Variants in PLCXD3 observed in about 807,000 individuals in gnomAD.
PLCXD3 encodes PI-PLC X domain-containing protein 3.
PLCXD3 carries 19 observed loss-of-function variants against 25.5 expected under a neutral mutation model. The ratio of observed to expected loss-of-function variants is 0.75; its 90% confidence interval spans 0.52 to 1.09. The LOEUF (loss-of-function observed/expected upper bound fraction) is 1.09, where lower values mean the gene tolerates loss of function less well. Among genes scored for constraint, PLCXD3 ranks in the 50% least tolerant of loss-of-function variants. The probability of loss-of-function intolerance (pLI) is 0.00; values close to 1 mark genes in which losing one functional copy is unlikely to be tolerated. For missense variants in PLCXD3, 411 were observed against 388.1 expected, an observed-to-expected ratio of 1.06 and a Z score of -0.50; for synonymous variants, 174 against 137.6, an observed-to-expected ratio of 1.26 and a Z score of -1.85.
At chr5:41,346,555 G>A (rs762893455) in intron 2 of PLCXD3, among the ~76,000 whole-genome samples, 49 of 152,090 alleles carry the variant, frequency 3.2e-4, no homozygotes, top group Non-Finnish European at 5.6e-4. Context: ...AATTTTGAAT[G>A]TGTATGTTGT....
chr5:41,510,559 G>A lies in PLCXD3; in HGVS notation c.-33C>T, dbSNP rs1739034004. 1.3e-6 allele frequency: 2 copies of A among 1,571,588 alleles called. No individual in the cohort carries two copies. The highest frequency in any genetic ancestry group is 1.7e-6 in the Non-Finnish European group (2 of 1,145,062). ...GTCGGCGTGCAGCGCGCTGGTCCCA[G>A]CACTCCTCGGGCAGGCTGGCAGGCT... On this transcript the variant is annotated 5_prime_UTR_variant, in exon 1 of 3. Transcript: ENST00000377801.
intron 2 of PLCXD3, among the ~76,000 whole-genome samples, chr5:41,343,276 A>AT (rs1227674008): frequency 3.3e-5 from 5 of 152,042 alleles, no homozygotes; most frequent in Non-Finnish European, 7.4e-5. Flanking sequence ...TAAAATTATG[A>AT]TTTTTTCCTT....
At chr5:41,425,568 T>C (rs1746936275) in intron 1 of PLCXD3, among the ~76,000 whole-genome samples, 1 of 152,214 alleles carries the variant, frequency 6.6e-6, no homozygotes, top group Admixed American at 6.5e-5. Context: ...ATGACATTTA[T>C]CTACCACTAT....
At chr5:41,372,034 A>T (rs1341782842) in intron 2 of PLCXD3, among the ~76,000 whole-genome samples, 2 of 152,056 alleles carry the variant, frequency 1.3e-5, no homozygotes, top group Non-Finnish European at 2.9e-5. Context: ...TGACTGAGTA[A>T]ATATCCCTGC....
chr5:41,494,938 G>A (rs1365551817), intron 1 of PLCXD3, among the ~76,000 whole-genome samples: 1 of 152,192 alleles, frequency 6.6e-6, no homozygotes, highest in African/African-American at 2.4e-5. Flanking sequence ...AGAAAAACAA[G>A]GTAAGTGTGG....
chr5:41,491,036 A>G (rs1235540031), intron 1 of PLCXD3, among the ~76,000 whole-genome samples: 1 of 152,006 alleles, frequency 6.6e-6, no homozygotes, highest in Admixed American at 6.6e-5. Flanking sequence ...TAGGTTGTCA[A>G]TTTTGGATCT....
rs200452336 is a variant in PLCXD3, at chr5:41,428,388, GTT to G, written c.104-45856_104-45855del. Among the ~76,000 whole-genome samples, 119 of 131,518 alleles carry G rather than the reference GTT, an allele frequency of 9.0e-4. 5 individuals are homozygous for G. The highest frequency in any genetic ancestry group is 3.2e-3 in the African/African-American group (113 of 35,188). The allele number at this position is 131,518 out of a possible 152,430, so 86.3% of individuals were successfully genotyped here. On this transcript the variant is annotated intron_variant, in intron 1 of 2. Coordinates refer to ENST00000377801, the MANE Select transcript of PLCXD3 (RefSeq NM_001005473.3). ...AGTTAAAATGAGTTTTTTTGTTTTT[GTT>G]TTTGTTTTTTTTAGGGTGGGCCCTA... is the stretch of plus-strand genomic sequence containing the variant.
intron 1 of PLCXD3, among the ~76,000 whole-genome samples, chr5:41,485,244 G>GA (rs1748493526): frequency 6.6e-6 from 1 of 152,130 alleles, no homozygotes; most frequent in African/African-American, 2.4e-5. Flanking sequence ...ATCTTAGAGT[G>GA]AAAAAATGTC....
At chr5:41,347,808 G>T (rs1744343326) in intron 2 of PLCXD3, among the ~76,000 whole-genome samples, 1 of 152,206 alleles carries the variant, frequency 6.6e-6, no homozygotes, top group Non-Finnish European at 1.5e-5. Context: ...GTGCAGGAAA[G>T]ACTGAGAGAG....
At chr5:41,488,931 G>T (rs375466618) in intron 1 of PLCXD3, among the ~76,000 whole-genome samples, 514 of 151,136 alleles carry the variant, frequency 3.4e-3, no homozygotes, top group African/African-American at 0.01. Flanking sequence ...CTCTTTAGTT[G>T]AATTAGATCC....
rs553836263 is a variant in PLCXD3, at chr5:41,489,557, C to G, written c.103+20867G>C. Among the ~76,000 whole-genome samples the G allele has an allele frequency of 3.5e-3, 533 of 152,108 alleles. 1 individual carries two copies. Among genetic ancestry groups the G allele is most frequent in the African/African-American group, 0.012 (489 of 41,498 alleles). ...TTTCACAATATTGATTCTTCCTACC[C>G]ATGAGCATGGAATGTTCTTCCATTT... is the stretch of plus-strand genomic sequence containing the variant. On this transcript the variant is annotated intron_variant, in intron 1 of 2. Transcript: ENST00000377801.
intron 2 of PLCXD3, among the ~76,000 whole-genome samples, chr5:41,343,119 C>T (rs1744199285): frequency 6.6e-6 from 1 of 152,088 alleles, no homozygotes; most frequent in Non-Finnish European, 1.5e-5. Context: ...TGCAACTTCG[C>T]ACAAGCATAG....
At chr5:41,415,475 T>A (rs2150504598) in intron 1 of PLCXD3, among the ~76,000 whole-genome samples, 1 of 152,326 alleles carries the variant, frequency 6.6e-6, no homozygotes, top group African/African-American at 2.4e-5. Context: ...GAAAATCCAC[T>A]AAGAAATGAC....
rs907266505 is a variant in PLCXD3 at position 41,491,194 on chromosome 5, C to T, written c.103+19230G>A. ...TTTCTGCCTTCATTTCCTTATGTAC[C>T]CAGTAGTCATTCAGGAGCAGGTTGT... On this transcript the variant is annotated intron_variant, in intron 1 of 2. Coordinates refer to ENST00000377801, the MANE Select transcript of PLCXD3 (RefSeq NM_001005473.3). 1.3e-4 allele frequency among the ~76,000 whole-genome samples: 20 copies of T among 152,184 alleles called. 2 individuals are homozygous for T. Among genetic ancestry groups the T allele is most frequent in the African/African-American group, 4.6e-4 (19 of 41,492 alleles).
chr5:41,493,190 G>A (rs1329223229), intron 1 of PLCXD3, among the ~76,000 whole-genome samples: 5 of 152,194 alleles, frequency 3.3e-5, no homozygotes, highest in Non-Finnish European at 7.3e-5. Context: ...GTTTGCTGGA[G>A]GTCCACTCCA....
intron 1 of PLCXD3, among the ~76,000 whole-genome samples, chr5:41,489,042 C>G (rs982140426): frequency 6.6e-6 from 1 of 152,140 alleles, no homozygotes; most frequent in African/African-American, 2.4e-5. Context: ...AGGTTTTCTT[C>G]TAGGGTTTTT....
intron 1 of PLCXD3, among the ~76,000 whole-genome samples, chr5:41,435,619 A>G (rs1747230093): frequency 6.6e-6 from 1 of 152,174 alleles, no homozygotes; most frequent in Non-Finnish European, 1.5e-5. Flanking sequence ...CATAGGTAAG[A>G]ATGGGGGTAG....
At chr5:41,357,001 C>T (rs1185696673) in intron 2 of PLCXD3, among the ~76,000 whole-genome samples, 1 of 152,206 alleles carries the variant, frequency 6.6e-6, no homozygotes, top group Non-Finnish European at 1.5e-5. Flanking sequence ...CTAGATGCAA[C>T]TTAATGAACC....
intron 1 of PLCXD3, among the ~76,000 whole-genome samples, chr5:41,439,110 G>T (rs1162132725): frequency 6.6e-6 from 1 of 152,152 alleles, no homozygotes; most frequent in Non-Finnish European, 1.5e-5. Flanking sequence ...ATTGAAGGGA[G>T]ACCAAGCTGT....
Sources: gnomAD v4.1 joint callset for allele counts (sites outside exome capture counted in the v4.1 genomes callset) on GRCh38, gnomAD v4.1.1 for gene constraint, MANE v1.5 for transcripts, NCBI Gene and HGNC (gene_info 2026-07-23, HGNC 2026-07-21) for gene names.